The following SSH2 variants were observed in gnomAD, a reference collection of about 807,000 sequenced individuals.
SSH2 encodes slingshot protein phosphatase 2.
Under a neutral mutation model 135.2 loss-of-function variants are expected in SSH2, and 37 were observed. That is an observed-to-expected ratio of 0.27 (90% CI 0.21 to 0.36). The LOEUF is 0.36. SSH2 is among the 10% of genes least tolerant of loss of function. SSH2 has a pLI of 1.00. For missense variants in SSH2, 1,408 were observed against 1,765.3 expected, an observed-to-expected ratio of 0.80 and a Z score of 3.63; for synonymous variants, 628 against 646.2, an observed-to-expected ratio of 0.97 and a Z score of 0.43.
At chr17:29,857,248 A>G (rs1164726960) in intron 1 of SSH2, among the ~76,000 whole-genome samples, 1 of 152,232 alleles carries the variant, frequency 6.6e-6, no homozygotes, top group African/African-American at 2.4e-5. Flanking sequence ...CCTCACAATC[A>G]TGGCAGAAGG....
intron 3 of SSH2, among the ~76,000 whole-genome samples, chr17:29,712,886 C>T (rs1427291246): frequency 6.6e-6 from 1 of 152,192 alleles, no homozygotes; most frequent in African/African-American, 2.4e-5. Flanking sequence ...TACTGATTTA[C>T]CCTAAAATCA....
At chr17:29,677,790 G>C (rs1428068353) in intron 6 of SSH2, 49 bp from the exon 7 acceptor site, 2 of 1,452,206 alleles carry the variant, frequency 1.4e-6, no homozygotes, top group African/African-American at 2.8e-5. Flanking sequence ...ACTCTGGGAA[G>C]CAGTCTTCTG....
chr17:29,903,084 G>A (rs2066589700), intron 1 of SSH2, among the ~76,000 whole-genome samples: 2 of 151,824 alleles, frequency 1.3e-5, no homozygotes, highest in African/African-American at 4.8e-5. Flanking sequence ...TACCCAGAAG[G>A]CTGAAGCAGG....
In SSH2 at chr17:29,751,052, C is replaced by T. The variant is rs1253793219; in HGVS notation, c.188+42842G>A. On this transcript the variant is annotated intron_variant, in intron 3 of 15. Transcript: ENST00000540801. ...CTGTCATCTCCTATGATAACAATGC[C>T]TTCTTTTAGAATACTTCCTGAAGGA... Among the ~76,000 whole-genome samples, 3 of 152,230 alleles carry T rather than the reference C, an allele frequency of 2.0e-5. No individual in the cohort carries two copies. The East Asian group carries it at 5.8e-4, about 29-fold the overall frequency.
At chr17:29,663,567 T>C (rs2037141927) in intron 11 of SSH2, among the ~76,000 whole-genome samples, 4 of 152,224 alleles carry the variant, frequency 2.6e-5, no homozygotes, top group Admixed American at 2.6e-4. Flanking sequence ...GAAGTTTTTT[T>C]TCCCCCAAAT....
chr17:29,659,289 C>T (rs569083749), intron 11 of SSH2, among the ~76,000 whole-genome samples: 2 of 152,230 alleles, frequency 1.3e-5, no homozygotes, highest in East Asian at 1.9e-4. Flanking sequence ...AATTTCCTTC[C>T]GTAGAGGCTG....
At chr17:29,811,358 C>A (rs959062043) in intron 2 of SSH2, among the ~76,000 whole-genome samples, 1 of 151,612 alleles carries the variant, frequency 6.6e-6, no homozygotes, top group Non-Finnish European at 1.5e-5. Flanking sequence ...TGGTTATTGC[C>A]GGCAATATAC....
At chr17:29,792,839 G>C (rs1461857750) in intron 3 of SSH2, among the ~76,000 whole-genome samples, 1 of 152,124 alleles carries the variant, frequency 6.6e-6, no homozygotes, top group Non-Finnish European at 1.5e-5. Flanking sequence ...ACCATGCCCA[G>C]CTTATTTTTT....
intron 2 of SSH2, among the ~76,000 whole-genome samples, chr17:29,824,602 C>A (rs116755404): frequency 0.013 from 1,950 of 152,236 alleles, 39 homozygotes; most frequent in African/African-American, 0.045. Flanking sequence ...AGGGCTTGGT[C>A]AGTTTCCCTT....
At chr17:29,781,323 G>C (rs1567970301) in intron 3 of SSH2, among the ~76,000 whole-genome samples, 1 of 151,754 alleles carries the variant, frequency 6.6e-6, no homozygotes, top group East Asian at 1.9e-4. Flanking sequence ...CTATCTCAAA[G>C]ATAAAAAATA....
At position 29,627,548 on chromosome 17, in the gene SSH2, A is replaced by G. The variant is rs2035534810; in HGVS notation, c.*3293T>C. Reference sequence around the variant, plus strand: ...AAAGAGGAACTATCAGTAGGGATAAAGACACAGAACAAGGAAATCCATAAC... The same window carrying G: ...AAAGAGGAACTATCAGTAGGGATAAGGACACAGAACAAGGAAATCCATAAC... On this transcript the variant is annotated 3_prime_UTR_variant, in exon 16 of 16. Transcript: ENST00000540801. 1 of 152,528 alleles carries G rather than the reference A, an allele frequency of 6.6e-6. No individual in the cohort carries two copies. The highest frequency in any genetic ancestry group is 2.4e-5 in the African/African-American group (1 of 41,468). 9.4% of individuals were successfully genotyped at this position (152,528 alleles called of 1,614,324 possible). A position where few individuals can be genotyped will look rare whatever the true frequency, so the allele number is the denominator to read the frequency against.
chr17:29,782,703 A>G (rs2041866001), intron 3 of SSH2, among the ~76,000 whole-genome samples: 1 of 152,146 alleles, frequency 6.6e-6, no homozygotes, highest in African/African-American at 2.4e-5. Flanking sequence ...CTCCTGCCTC[A>G]GCCTCCCAAG....
intron 9 of SSH2, among the ~76,000 whole-genome samples, 157 bp from the exon 10 acceptor site, chr17:29,667,380 A>G (rs1235060584): frequency 6.6e-6 from 1 of 152,214 alleles, no homozygotes; most frequent in Non-Finnish European, 1.5e-5. Flanking sequence ...GTGGGTCCCC[A>G]GTGAGTACCG....
intron 14 of SSH2, among the ~76,000 whole-genome samples, chr17:29,637,506 A>G (rs2035958651): frequency 6.6e-6 from 1 of 152,150 alleles, no homozygotes; most frequent in Admixed American, 6.6e-5. Context: ...ATGGCCAGGT[A>G]AGGTGGCTCA....
chr17:29,810,535 GCTAT>G (rs1302620905), intron 2 of SSH2, among the ~76,000 whole-genome samples: 1 of 152,142 alleles, frequency 6.6e-6, no homozygotes, highest in Non-Finnish European at 1.5e-5. Flanking sequence ...TGAAGATAGA[GCTAT>G]CTAACTTAAT....
intron 14 of SSH2, chr17:29,644,933 C>T (rs2036312857): frequency 6.6e-6 from 1 of 152,160 alleles, no homozygotes; most frequent in South Asian, 2.1e-4. Context: ...AGTGACATCC[C>T]TAGCACTAGA....
intron 1 of SSH2, among the ~76,000 whole-genome samples, chr17:29,900,168 C>T (rs111792904): frequency 4.6e-5 from 7 of 152,256 alleles, no homozygotes; most frequent in South Asian, 2.1e-4. Flanking sequence ...AGACCTAAAA[C>T]CATAAAAACC....
intron 1 of SSH2, among the ~76,000 whole-genome samples, chr17:29,918,934 CAAAT>C (rs1370094763): frequency 6.6e-6 from 1 of 150,690 alleles, no homozygotes; most frequent in African/African-American, 2.4e-5. Context: ...GAGACCGTCT[CAAAT>C]AAAAAAAAAA....
intron 3 of SSH2, among the ~76,000 whole-genome samples, chr17:29,735,654 G>A (rs543020866): frequency 2.7e-5 from 4 of 146,892 alleles, no homozygotes; most frequent in South Asian, 2.1e-4. Flanking sequence ...TCGAGATCGC[G>A]TCACTGCACT....
Sources: allele counts gnomAD v4.1 joint callset (sites outside exome capture counted in the v4.1 genomes callset), GRCh38; gene constraint gnomAD v4.1.1; transcripts MANE v1.5; gene names NCBI Gene and HGNC (gene_info 2026-07-23, HGNC 2026-07-21).